The following TOM1 variants were observed in gnomAD, a reference collection of about 807,000 sequenced individuals.
The protein encoded by TOM1 is target of Myb protein 1.
A neutral mutation model predicts 61.3 loss-of-function variants in TOM1; 38 were observed. The observed-to-expected ratio is 0.62, with a 90% CI of 0.48 to 0.81. The LOEUF is 0.81. Ranked by LOEUF, TOM1 falls within the 40% of genes least tolerant of loss-of-function variation. TOM1 has a pLI of 0.00. For synonymous variants in TOM1, 270 were observed against 268.8 expected (o/e 1.00, Z -0.04); for missense variants, 591 against 659.6 (o/e 0.90, Z 1.14).
chr22:35,326,130 G>A (rs1413161992), intron 6 of TOM1, among the ~76,000 whole-genome samples: 1 of 152,220 alleles, frequency 6.6e-6, no homozygotes, highest in African/African-American at 2.4e-5. Context: ...TATGTTCAAT[G>A]CTTGGCACTT....
rs987484835 is a variant in TOM1 at position 35,300,123 on chromosome 22, C to G, written c.52+143C>G. On this transcript the variant is annotated intron_variant, in intron 1 of 14. Transcript: ENST00000449058. ...AGCTCTCCGACCTGGCTCCGCCCAG[C>G]TTTCCTCCCACTCTTGATTGACAAG... The G allele has an allele frequency of 8.8e-6, 8 of 904,334 alleles. No homozygotes were observed. In the East Asian group the frequency reaches 2.1e-4, roughly 24 times the overall value. 56.0% of individuals were successfully genotyped at this position (904,334 alleles called of 1,614,324 possible).
chr22:35,318,841 C>A (rs1352130427), intron 2 of TOM1, among the ~76,000 whole-genome samples: 1 of 152,246 alleles, frequency 6.6e-6, no homozygotes, highest in Non-Finnish European at 1.5e-5. Flanking sequence ...TTTCCCTCTC[C>A]AGTTCTCACT....
At chr22:35,338,886 G>C in intron 12 of TOM1, 98 bp downstream of exon 12, 1 of 1,138,024 alleles carries the variant, frequency 8.8e-7, no homozygotes, top group Non-Finnish European at 1.2e-6. Context: ...CACTGGCCCA[G>C]CACGTCCACA....
intron 1 of TOM1, among the ~76,000 whole-genome samples, chr22:35,310,351 G>A (rs190589247): frequency 7.2e-5 from 11 of 152,302 alleles, no homozygotes; most frequent in African/African-American, 2.4e-4. Context: ...TCAAGAGATC[G>A]AGACCATCCT....
chr22:35,302,302 C>CTA, intron 1 of TOM1, among the ~76,000 whole-genome samples: 1 of 125,204 alleles, frequency 8.0e-6, no homozygotes, highest in Middle Eastern at 4.1e-3. Context: ...ATGTGAATTT[C>CTA]TTTTTTTTTC....
chr22:35,330,075 C>T (rs1409783915), intron 7 of TOM1, among the ~76,000 whole-genome samples: 3 of 151,802 alleles, frequency 2.0e-5, no homozygotes, highest in African/African-American at 7.3e-5. Flanking sequence ...GTCAGGAGAT[C>T]GAGACCACCC....
chr22:35,327,305 G>A lies in TOM1; in HGVS notation c.683G>A (p.Ser228Asn). Residue 228 changes from serine (S) to asparagine (N), a missense_variant, in exon 7 of 15, where the codon AGT becomes AAT. Physicochemically the swap from Ser to Asn is conservative, Grantham distance 46. Transcript: ENST00000449058. ...CTGCGCAGTGAGCTGGAGATGGTGAGTGGGAACGTGAGGGTGATGTCGGAG... is the reference window on the plus strand; with the variant it reads ...CTGCGCAGTGAGCTGGAGATGGTGAATGGGAACGTGAGGGTGATGTCGGAG... ...GKLRSELEMV[S>N]GNVRVMSEML... 1 of 1,614,126 alleles carries A rather than the reference G, an allele frequency of 6.2e-7. No homozygotes were observed. The highest frequency in any genetic ancestry group is 8.5e-7 in the Non-Finnish European group (1 of 1,180,030).
chr22:35,333,719 A>G (rs370310445), intron 10 of TOM1, among the ~76,000 whole-genome samples: 7 of 152,142 alleles, frequency 4.6e-5, no homozygotes, highest in African/African-American at 1.7e-4. Context: ...CAGAAATCCT[A>G]CCATCCTAGG....
In TOM1 at chr22:35,333,001, G is replaced by T. The variant is rs778537779; in HGVS notation, c.920G>T (p.Gly307Val). 11 of 1,614,170 alleles carry T rather than the reference G, an allele frequency of 6.8e-6. No homozygotes were observed. Among genetic ancestry groups the T allele is most frequent in the East Asian group, 2.2e-5 (1 of 44,872 alleles). ...TGTAGGTTTGAACGGTTCCGAACAG[G>T]CCAGACCACCAAGGTAAAAGTCTTC... ...RHERFERFRT[G>V]QTTKAPSEAE... is the part of the protein sequence containing the mutation. Residue 307 changes from glycine to valine, a missense_variant, in exon 9 of 15, where the codon GGC becomes GTC. Gly to Val is a moderately radical substitution (Grantham distance 109). Coordinates refer to ENST00000449058, the MANE Select transcript of TOM1 (RefSeq NM_005488.3).
At chr22:35,300,948 C>T (rs1925710716) in intron 1 of TOM1, among the ~76,000 whole-genome samples, 1 of 151,916 alleles carries the variant, frequency 6.6e-6, no homozygotes, top group Admixed American at 6.6e-5. Context: ...ACGGTGGCTC[C>T]CGCCTGTAAT....
chr22:35,303,742 G>C (rs1331030932), intron 1 of TOM1, among the ~76,000 whole-genome samples: 1 of 151,980 alleles, frequency 6.6e-6, no homozygotes, highest in East Asian at 1.9e-4. Context: ...AAGTGATCCA[G>C]CCACCTTAGC....
At chr22:35,343,472 ACCTACACACACC>A (rs1390037253) in intron 12 of TOM1, among the ~76,000 whole-genome samples, 3 of 132,174 alleles carry the variant, frequency 2.3e-5, no homozygotes, top group Middle Eastern at 5.5e-3. Context: ...ACATTCATAC[ACCTACACACACC>A]CCTACACACA....
At chr22:35,320,650 G>T (rs916164568) in intron 2 of TOM1, among the ~76,000 whole-genome samples, 4 of 152,004 alleles carry the variant, frequency 2.6e-5, no homozygotes, top group Non-Finnish European at 5.9e-5. Context: ...CCCCCTCGGA[G>T]GTCTTTTCTG....
chr22:35,338,715 T>C lies in TOM1; in HGVS notation c.1151T>C (p.Val384Ala). 1 of 1,577,574 alleles carries C rather than the reference T, an allele frequency of 6.3e-7. No individual in the cohort carries two copies. Among genetic ancestry groups the C allele is most frequent in the Non-Finnish European group, 8.6e-7 (1 of 1,162,718 alleles). Residue 384 changes from valine to alanine, a missense_variant and splice_region_variant, in exon 12 of 15, where the codon GTA becomes GCA. Coordinates refer to ENST00000449058, the MANE Select transcript of TOM1 (RefSeq NM_005488.3). ...GSSLADQRKE[V>A]KYEAPQATDG... ...TGGCTTGGTGGTCTCTCTTTCAGGG[T>C]AAAATACGAAGCCCCCCAAGCAACA... is the stretch of plus-strand genomic sequence containing the variant.
At chr22:35,306,192 G>A (rs923385115) in intron 1 of TOM1, among the ~76,000 whole-genome samples, 1 of 151,592 alleles carries the variant, frequency 6.6e-6, no homozygotes, top group East Asian at 1.9e-4. Flanking sequence ...TCTGTAGCTC[G>A]AGTACCATAC....
chr22:35,345,776 A>G lies in TOM1; in HGVS notation c.1276A>G (p.Thr426Ala), dbSNP rs1224099451. Residue 426 changes from threonine to alanine, a missense_variant, in exon 13 of 15, where the codon ACT becomes GCT. Thr to Ala is a moderately conservative substitution (Grantham distance 58). Coordinates refer to ENST00000449058, the MANE Select transcript of TOM1 (RefSeq NM_005488.3). ...GGAGGACATCGAGCAGTGGCTGTCC[A>G]CTGACGTGGTATGTTGGGGCCCACT... ...LMEDIEQWLS[T>A]DVGNDAEEPK... 1.9e-6 allele frequency: 3 copies of G among 1,614,024 alleles called. No homozygotes were observed. The highest frequency in any genetic ancestry group is 1.7e-6 in the Non-Finnish European group (2 of 1,179,994).
In TOM1 at chr22:35,332,993, C is replaced by T; in HGVS notation, c.912C>T (p.Phe304=). The T allele has an allele frequency of 6.2e-7, 1 of 1,614,168 alleles. No individual in the cohort carries two copies. Among genetic ancestry groups the T allele is most frequent in the Non-Finnish European group, 8.5e-7 (1 of 1,180,044 alleles). ...VFLRHERFER[F]RTGQTTKAPS... is the part of the protein sequence containing the mutation. ...TTCTGTCTTGTAGGTTTGAACGGTT[C>T]CGAACAGGCCAGACCACCAAGGTAA... The change falls in exon 9 of 15, where the codon TTC becomes TTT. Residue 304 remains phenylalanine, a synonymous_variant. Transcript: ENST00000449058.
chr22:35,341,831 C>A (rs1929905465), intron 12 of TOM1, among the ~76,000 whole-genome samples: 1 of 152,174 alleles, frequency 6.6e-6, no homozygotes, highest in African/African-American at 2.4e-5. Flanking sequence ...TCTCCGATAA[C>A]CTGGGAGATT....
chr22:35,345,433 C>T, intron 12 of TOM1: 1 of 509,904 alleles, frequency 2.0e-6, no homozygotes, highest in Non-Finnish European at 3.6e-6. Flanking sequence ...GCCTAGAATC[C>T]TACCCGAAGG....
Sources: allele counts gnomAD v4.1 joint callset (sites outside exome capture counted in the v4.1 genomes callset), GRCh38; gene constraint gnomAD v4.1.1; transcripts MANE v1.5; gene names NCBI Gene and HGNC (gene_info 2026-07-23, HGNC 2026-07-21).